Variants in GALNT2 observed in about 807,000 individuals in gnomAD.
The protein encoded by GALNT2 is polypeptide N-acetylgalactosaminyltransferase 2, also known as UDP-GalNAc:polypeptide N-acetylgalactosaminyltransferase 2.
A neutral mutation model predicts 81.4 loss-of-function variants in GALNT2; 31 were observed. The observed-to-expected ratio is 0.38, with a 90% CI of 0.29 to 0.51. The LOEUF (loss-of-function observed/expected upper bound fraction) is 0.51. Ranked by LOEUF, GALNT2 falls within the 20% of genes least tolerant of loss-of-function variation. The probability of loss-of-function intolerance (pLI) is 0.87; values close to 1 mark genes in which losing one functional copy is unlikely to be tolerated. For missense variants in GALNT2, 629 were observed against 765.7 expected, an observed-to-expected ratio of 0.82 and a Z score of 2.11; for synonymous variants, 303 against 287.4, an observed-to-expected ratio of 1.05 and a Z score of -0.55.
chr1:230,242,994 G>A (rs550150278), intron 6 of GALNT2, among the ~76,000 whole-genome samples: 3 of 152,336 alleles, frequency 2.0e-5, no homozygotes, highest in South Asian at 4.1e-4. Context: ...TCAGAGGAAT[G>A]TAGTTATAAA....
intron 15 of GALNT2, among the ~76,000 whole-genome samples, chr1:230,276,937 A>C (rs750712956): frequency 3.7e-4 from 56 of 152,198 alleles, no homozygotes; most frequent in Non-Finnish European, 1.6e-4. Context: ...GATGTAACGG[A>C]GCAGAGATGT....
intron 1 of GALNT2, among the ~76,000 whole-genome samples, chr1:230,102,214 A>G (rs566904196): frequency 1.3e-5 from 2 of 152,364 alleles, no homozygotes; most frequent in African/African-American, 2.4e-5. Context: ...AGGGGAGCTT[A>G]GACGAAGCCC....
intron 1 of GALNT2, among the ~76,000 whole-genome samples, chr1:230,157,846 C>T (rs532875238): frequency 4.6e-5 from 7 of 152,128 alleles, no homozygotes; most frequent in Non-Finnish European, 1.0e-4. Context: ...CAAATGTACT[C>T]AGGGGAGTTT....
intron 1 of GALNT2, among the ~76,000 whole-genome samples, chr1:230,127,111 C>A (rs985965005): frequency 6.6e-6 from 1 of 152,160 alleles, no homozygotes; most frequent in African/African-American, 2.4e-5. Flanking sequence ...TCCCCCCCTC[C>A]CATTGCTGCC....
At chr1:230,140,501 C>G (rs1454799888) in intron 1 of GALNT2, among the ~76,000 whole-genome samples, 1 of 152,172 alleles carries the variant, frequency 6.6e-6, no homozygotes, top group Non-Finnish European at 1.5e-5. Flanking sequence ...CGTGACTTCC[C>G]GTGAAGCTGC....
intron 7 of GALNT2, among the ~76,000 whole-genome samples, chr1:230,244,875 C>G (rs2102743270): frequency 6.7e-6 from 1 of 149,466 alleles, no homozygotes; most frequent in Non-Finnish European, 1.5e-5. Flanking sequence ...TTAGCATGTT[C>G]CTTCACCTGT....
At chr1:230,256,445 CAAA>C (rs35831707) in intron 11 of GALNT2, among the ~76,000 whole-genome samples, 9 of 108,476 alleles carry the variant, frequency 8.3e-5, no homozygotes, top group Non-Finnish European at 9.7e-5. Flanking sequence ...GACTCTGTCT[CAAA>C]AAAAAAAAAA....
chr1:230,132,355 T>C (rs1661395885), intron 1 of GALNT2, among the ~76,000 whole-genome samples: 1 of 152,162 alleles, frequency 6.6e-6, no homozygotes, highest in Admixed American at 6.5e-5. Context: ...CACACCAGAC[T>C]CCTTTTCTGT....
At chr1:230,208,706 C>T (rs549635899) in intron 3 of GALNT2, among the ~76,000 whole-genome samples, 8 of 152,116 alleles carry the variant, frequency 5.3e-5, no homozygotes, top group South Asian at 4.2e-4. Context: ...CTGTAGATTG[C>T]GTACTATTTT....
chr1:230,243,373 T>A lies in GALNT2; in HGVS notation c.675T>A (p.Ser225Arg). 6.2e-7 allele frequency: 1 copy of A among 1,612,570 alleles called. No homozygotes were observed. The highest frequency in any genetic ancestry group is 8.5e-7 in the Non-Finnish European group (1 of 1,179,874). ...AQAKVLTFLDSHCECNEHWLE... is the reference protein window; with the variant it reads ...AQAKVLTFLDRHCECNEHWLE... ...CCAAGGTCCTGACCTTCCTGGACAGTCACTGCGAGTGTAATGAGCACTGGC... is the reference window on the plus strand; with the variant it reads ...CCAAGGTCCTGACCTTCCTGGACAGACACTGCGAGTGTAATGAGCACTGGC... The change falls in exon 7 of 16, where the codon AGT becomes AGA. Residue 225 changes from serine (S) to arginine (R), a missense_variant. By Grantham distance (110) the Ser-to-Arg change is moderately radical (BLOSUM62 -1). Coordinates refer to ENST00000366672, the MANE Select transcript of GALNT2 (RefSeq NM_004481.5). The surrounding 1 kb of genome is among the most constrained non-coding windows in gnomAD (Gnocchi z 4.2).
chr1:230,074,151 G>A (rs1376764649), intron 1 of GALNT2, among the ~76,000 whole-genome samples: 2 of 151,866 alleles, frequency 1.3e-5, no homozygotes, highest in African/African-American at 4.8e-5. Flanking sequence ...AGAGCTCAGT[G>A]GTACAACCAG....
rs1471523875 is a variant in GALNT2, at chr1:230,249,142, C to A, written c.818-42C>A. 3 of 1,551,344 alleles carry A rather than the reference C, an allele frequency of 1.9e-6. No individual in the cohort carries two copies. In the African/African-American group the frequency reaches 4.1e-5, roughly 21 times the overall value. Reference sequence around the variant, plus strand: ...GAATGGGGGTGTCGGGAGGAAGTGGCCAGTCTCTTGTCAACACCCTGTTTC... The same window carrying A: ...GAATGGGGGTGTCGGGAGGAAGTGGACAGTCTCTTGTCAACACCCTGTTTC... On this transcript the variant is annotated intron_variant, in intron 8 of 15. Coordinates refer to ENST00000366672, the MANE Select transcript of GALNT2 (RefSeq NM_004481.5).
At position 230,095,342 on chromosome 1, in the gene GALNT2, T is replaced by G. The variant is rs542217298; in HGVS notation, c.126+27936T>G. Among the ~76,000 whole-genome samples, 214 of 152,212 alleles carry G rather than the reference T, an allele frequency of 1.4e-3. 1 individual carries two copies. The highest frequency in any genetic ancestry group is 4.8e-3 in the African/African-American group (201 of 41,538). On this transcript the variant is annotated intron_variant, in intron 1 of 15. Coordinates refer to ENST00000366672, the MANE Select transcript of GALNT2 (RefSeq NM_004481.5). ...GAATTCACCTATCCGTTATAGAAAC[T>G]CCATGAGGCGTTTTTATTATCCCCA...
intron 1 of GALNT2, among the ~76,000 whole-genome samples, chr1:230,075,121 C>CTTTTTTT (rs34482749): frequency 1.0e-3 from 95 of 92,598 alleles, no homozygotes; most frequent in African/African-American, 1.8e-3. Flanking sequence ...GTCTGTTTTG[C>CTTTTTTT]TTTTTTTTTT....
intron 2 of GALNT2, among the ~76,000 whole-genome samples, chr1:230,180,774 A>G (rs1663134435): frequency 6.6e-6 from 1 of 152,156 alleles, no homozygotes; most frequent in Non-Finnish European, 1.5e-5. Context: ...AATTCTTTTG[A>G]TACCTTTTAT....
intron 1 of GALNT2, among the ~76,000 whole-genome samples, chr1:230,134,895 GA>G (rs1661488053): frequency 6.6e-6 from 1 of 152,184 alleles, no homozygotes; most frequent in Admixed American, 6.5e-5. Context: ...ACAAATCACT[GA>G]GTTGTCTGTG....
intron 1 of GALNT2, among the ~76,000 whole-genome samples, chr1:230,141,417 T>C (rs1220633818): frequency 6.6e-6 from 1 of 152,194 alleles, no homozygotes; most frequent in Non-Finnish European, 1.5e-5. Flanking sequence ...CTTGCAAAAC[T>C]GAAACTCTGT....
rs1662116312 is a variant in GALNT2 at position 230,152,323 on chromosome 1, A to G, written c.127-25895A>G. Reference sequence around the variant, plus strand: ...GCTTGGAACCATGGCCTGTAAGCGCATCCGACACTTGGCTAGAATCTCGAA... The same window carrying G: ...GCTTGGAACCATGGCCTGTAAGCGCGTCCGACACTTGGCTAGAATCTCGAA... On this transcript the variant is annotated intron_variant, in intron 1 of 15. Transcript: ENST00000366672. Among the ~76,000 whole-genome samples the G allele has an allele frequency of 3.3e-5, 5 of 152,312 alleles. No homozygotes were observed. In the South Asian group the frequency reaches 1.0e-3, roughly 32 times the overall value.
intron 14 of GALNT2, among the ~76,000 whole-genome samples, chr1:230,266,506 AT>A (rs927788646): frequency 3.3e-5 from 5 of 152,210 alleles, no homozygotes; most frequent in Non-Finnish European, 5.9e-5. Context: ...AACTGGAAGT[AT>A]TTTTGAAAGG....
Sources: gnomAD v4.1 joint callset for allele counts (sites outside exome capture counted in the v4.1 genomes callset) on GRCh38, gnomAD v4.1.1 for gene constraint, Gnocchi (gnomAD v3.1) non-coding constraint, MANE v1.5 for transcripts, NCBI Gene and HGNC (gene_info 2026-07-23, HGNC 2026-07-21) for gene names.